Variants in ANP32A observed in about 807,000 individuals in gnomAD.
ANP32A encodes acidic leucine-rich nuclear phosphoprotein 32 family member A.
ANP32A carries 1 observed loss-of-function variant against 33.9 expected under a neutral mutation model. That is an observed-to-expected ratio of 0.03 (90% confidence interval 0.01 to 0.14). The LOEUF (loss-of-function observed/expected upper bound fraction) is 0.14. Ranked by LOEUF, ANP32A falls within the 10% of genes least tolerant of loss-of-function variation. The pLI is 1.00. For synonymous variants in ANP32A, 115 were observed against 120.5 expected (o/e 0.95, Z 0.30); for missense variants, 155 against 306.0 (o/e 0.51, Z 3.68).
At chr15:68,818,160 C>T (rs1243152110) in intron 1 of ANP32A, 10 of 162,716 alleles carry the variant, frequency 6.1e-5, no homozygotes, top group African/African-American at 2.4e-4. Flanking sequence ...CCCCGCGCCA[C>T]ATGGAGCCCG....
chr15:68,800,622 T>C (rs575889465), intron 1 of ANP32A, among the ~76,000 whole-genome samples: 291 of 122,950 alleles, frequency 2.4e-3, no homozygotes, highest in African/African-American at 8.1e-3. Flanking sequence ...CGGGCACCTG[T>C]AGTCCCAGCT....
At position 68,779,314 on chromosome 15, in the gene ANP32A, G is replaced by A. The variant is rs1309426424; in HGVS notation, c.*767C>T. On this transcript the variant is annotated 3_prime_UTR_variant, in exon 7 of 7. Coordinates refer to ENST00000465139, the MANE Select transcript of ANP32A (RefSeq NM_006305.4). ...AGCGTTCTAATATTTTACAGAACAA[G>A]ATAGGACAGTTTTTTTTTTCTTTTA... is the stretch of plus-strand genomic sequence containing the variant. The A allele has an allele frequency of 1.3e-5, 2 of 151,290 alleles. No individual in the cohort carries two copies. Among genetic ancestry groups the A allele is most frequent in the Admixed American group, 1.3e-4 (2 of 15,276 alleles). 9.4% of individuals were successfully genotyped at this position (151,290 alleles called of 1,614,324 possible).
intron 1 of ANP32A, among the ~76,000 whole-genome samples, chr15:68,797,838 G>A (rs1023393417): frequency 3.3e-5 from 5 of 152,146 alleles, no homozygotes; most frequent in African/African-American, 1.2e-4. Flanking sequence ...ACACAGCCTT[G>A]CTAAGGTCTG....
chr15:68,786,078 A>G (rs1202721862), intron 3 of ANP32A, among the ~76,000 whole-genome samples: 1 of 152,120 alleles, frequency 6.6e-6, no homozygotes, highest in Non-Finnish European at 1.5e-5. Flanking sequence ...AAGTCCCGTG[A>G]GCATCCATGG....
intron 1 of ANP32A, among the ~76,000 whole-genome samples, chr15:68,811,045 G>C (rs1290574169): frequency 7.4e-6 from 1 of 135,608 alleles, no homozygotes; most frequent in Non-Finnish European, 1.5e-5. Context: ...ATGGGCCACA[G>C]AGTGAGACTC....
At chr15:68,794,416 G>A (rs1297777303) in intron 1 of ANP32A, among the ~76,000 whole-genome samples, 1 of 152,038 alleles carries the variant, frequency 6.6e-6, no homozygotes, top group Non-Finnish European at 1.5e-5. Flanking sequence ...TTTCCTTCAC[G>A]GAGCAAGAAT....
At chr15:68,795,636 G>A (rs937158958) in intron 1 of ANP32A, among the ~76,000 whole-genome samples, 1 of 152,238 alleles carries the variant, frequency 6.6e-6, no homozygotes, top group African/African-American at 2.4e-5. Context: ...CACCGCAGAT[G>A]TTCCTCCAGC....
At chr15:68,791,913 AAAAAT>A (rs1751471310) in intron 1 of ANP32A, 1 of 152,696 alleles carries the variant, frequency 6.5e-6, no homozygotes, top group Admixed American at 6.5e-5. Context: ...AGGACAAAAC[AAAAAT>A]GTCAGCCCAA....
Position 68,780,397 on chromosome 15 carries a change from A to C in ANP32A, c.688+13T>G. 1 of 1,613,994 alleles carries C rather than the reference A, an allele frequency of 6.2e-7. No homozygotes were observed. The highest frequency in any genetic ancestry group is 8.5e-7 in the Non-Finnish European group (1 of 1,179,888). On this transcript the variant is annotated intron_variant, in intron 6 of 6. Transcript: ENST00000465139. The surrounding 1 kb of genome is among the most constrained non-coding windows in gnomAD (Gnocchi z 4.3). ...CAGGCTGCTACCAGCTGAGAGTAAA[A>C]AGGCTGCCATACCACCAAGCTCTTC...
Position 68,782,951 on chromosome 15 carries a change from C to T in ANP32A, c.624+5G>A. On this transcript the variant is annotated splice_donor_5th_base_variant and intron_variant, in intron 5 of 6. Coordinates refer to ENST00000465139, the MANE Select transcript of ANP32A (RefSeq NM_006305.4). ...CGGTGGCCCTGCCCAGCCCAGCCTC[C>T]TTACCTCCTCCTCTCCACTCACGTC... 1.9e-6 allele frequency: 3 copies of T among 1,551,878 alleles called. No homozygotes were observed. The highest frequency in any genetic ancestry group is 2.6e-6 in the Non-Finnish European group (3 of 1,147,002).
At chr15:68,802,683 G>A (rs746785408) in intron 1 of ANP32A, among the ~76,000 whole-genome samples, 1 of 152,150 alleles carries the variant, frequency 6.6e-6, no homozygotes, top group African/African-American at 2.4e-5. Flanking sequence ...ACGGAATTTT[G>A]TTCTTCTCGC....
chr15:68,812,497 T>C (rs1055543711), intron 1 of ANP32A, among the ~76,000 whole-genome samples: 9 of 151,810 alleles, frequency 5.9e-5, no homozygotes, highest in African/African-American at 2.2e-4. Flanking sequence ...AAGCAAGACA[T>C]AAGGAGAGCA....
At chr15:68,793,369 A>G (rs1297509679) in intron 1 of ANP32A, among the ~76,000 whole-genome samples, 1 of 152,218 alleles carries the variant, frequency 6.6e-6, no homozygotes, top group Non-Finnish European at 1.5e-5. Context: ...CAAGACAAGC[A>G]TAAGCCCCTG....
chr15:68,793,017 C>T (rs1347996095), intron 1 of ANP32A, among the ~76,000 whole-genome samples: 1 of 152,096 alleles, frequency 6.6e-6, no homozygotes, highest in Non-Finnish European at 1.5e-5. Context: ...TCACTCTTAC[C>T]CTACAAATCC....
In ANP32A at chr15:68,780,613, T is replaced by C. The variant is rs1351514746; in HGVS notation, c.625-140A>G. ...CCAAGACTTGACATCTCGGGAGGAA[T>C]GTAAAGCAGAGGTTCTTAATTTATT... On this transcript the variant is annotated intron_variant, in intron 5 of 6. Coordinates refer to ENST00000465139, the MANE Select transcript of ANP32A (RefSeq NM_006305.4). The surrounding 1 kb of genome is among the most constrained non-coding windows in gnomAD (Gnocchi z 4.3). 14 of 1,394,992 alleles carry C rather than the reference T, an allele frequency of 1.0e-5. No individual in the cohort carries two copies. Among genetic ancestry groups the C allele is most frequent in the Middle Eastern group, 1.9e-4 (1 of 5,256 alleles). The allele number at this position is 1,394,992 out of a possible 1,614,324, so 86.4% of individuals were successfully genotyped here.
At chr15:68,781,406 TGCA>T (rs1463300426) in intron 5 of ANP32A, 5 of 107,212 alleles carry the variant, frequency 4.7e-5, no homozygotes, top group Non-Finnish European at 8.6e-5. Flanking sequence ...AAACCTCACA[TGCA>T]GCACTCCTGT....
chr15:68,802,417 A>G (rs1020360596), intron 1 of ANP32A, among the ~76,000 whole-genome samples: 2 of 152,228 alleles, frequency 1.3e-5, no homozygotes, highest in Non-Finnish European at 2.9e-5. Flanking sequence ...GTAAGAGTAC[A>G]TAAAAACCCT....
At chr15:68,797,964 GA>G (rs1196083880) in intron 1 of ANP32A, among the ~76,000 whole-genome samples, 1 of 152,208 alleles carries the variant, frequency 6.6e-6, no homozygotes, top group Admixed American at 6.5e-5. Flanking sequence ...TGGCTCTGGA[GA>G]ATAATCTAGA....
At chr15:68,794,118 A>G (rs1355050049) in intron 1 of ANP32A, among the ~76,000 whole-genome samples, 1 of 152,224 alleles carries the variant, frequency 6.6e-6, no homozygotes, top group Non-Finnish European at 1.5e-5. Flanking sequence ...GTTGGATTAA[A>G]TAAGAATGTA....
Sources: allele counts gnomAD v4.1 joint callset (sites outside exome capture counted in the v4.1 genomes callset), GRCh38; gene constraint gnomAD v4.1.1; non-coding constraint Gnocchi (gnomAD v3.1); transcripts MANE v1.5; gene names NCBI Gene and HGNC (gene_info 2026-07-23, HGNC 2026-07-21).